The following SLC2A9 variants were observed in gnomAD, a reference collection of about 807,000 sequenced individuals.
SLC2A9 encodes solute carrier family 2 member 9.
Under a neutral mutation model 50.6 loss-of-function variants are expected in SLC2A9, and 39 were observed. That is an observed-to-expected ratio of 0.77 (90% CI 0.60 to 1.01). The LOEUF is 1.01. Among genes scored for constraint, SLC2A9 ranks in the 50% least tolerant of loss-of-function variants. SLC2A9 has a pLI of 0.00. For synonymous variants in SLC2A9, 324 were observed against 276.9 expected (o/e 1.17, Z -1.69); for missense variants, 686 against 677.6 (o/e 1.01, Z -0.14).
At chr4:9,868,346 A>G (rs55858763) in intron 10 of SLC2A9, among the ~76,000 whole-genome samples, 19,118 of 152,172 alleles carry the variant, frequency 0.13, 1,439 homozygotes, top group African/African-American at 0.19. Flanking sequence ...AGCTGTTCCC[A>G]TAAACTCCCT....
chr4:9,924,426 C>T (rs897063803), intron 6 of SLC2A9, among the ~76,000 whole-genome samples: 2 of 152,222 alleles, frequency 1.3e-5, no homozygotes, highest in Admixed American at 6.5e-5. Flanking sequence ...CTAGCTTCCT[C>T]ACAGACACCT....
chr4:9,874,174 C>G (rs116628257), intron 10 of SLC2A9, among the ~76,000 whole-genome samples: 1 of 152,222 alleles, frequency 6.6e-6, no homozygotes, highest in Non-Finnish European at 1.5e-5. Context: ...CTGTCCTCTA[C>G]TCAGACATTC....
At chr4:10,032,550 G>T (rs910297820) in intron 1 of SLC2A9, among the ~76,000 whole-genome samples, 5 of 152,070 alleles carry the variant, frequency 3.3e-5, no homozygotes, top group African/African-American at 1.2e-4. Context: ...GGGGAGAATG[G>T]GGGGATGGTG....
At chr4:9,890,832 G>C (rs1454428154) in intron 8 of SLC2A9, 121 bp from the exon 9 acceptor site, 1 of 823,016 alleles carries the variant, frequency 1.2e-6, no homozygotes, top group African/African-American at 1.7e-5. Context: ...CCCTGAGACA[G>C]TTGGGCCACC....
downstream of SLC2A9, among the ~76,000 whole-genome samples, chr4:9,777,513 G>A (rs989681122): frequency 2.1e-4 from 31 of 150,630 alleles, no homozygotes; most frequent in African/African-American, 7.3e-4. Flanking sequence ...ATGGATTGGT[G>A]AAAGTCAGGG....
chr4:9,922,731 TC>T (rs1744174354), intron 6 of SLC2A9: 1 of 152,300 alleles, frequency 6.6e-6, no homozygotes, highest in African/African-American at 2.4e-5. Flanking sequence ...TGATAGCTCC[TC>T]CTGCCCAGTT....
chr4:9,936,576 G>C (rs936152507), intron 6 of SLC2A9, among the ~76,000 whole-genome samples: 3 of 152,240 alleles, frequency 2.0e-5, no homozygotes, highest in African/African-American at 7.2e-5. Flanking sequence ...TCATGGCTAA[G>C]AAAAATATTT....
At chr4:10,004,757 G>A (rs1382253742) in intron 2 of SLC2A9, among the ~76,000 whole-genome samples, 1 of 152,236 alleles carries the variant, frequency 6.6e-6, no homozygotes, top group African/African-American at 2.4e-5. Context: ...GTGACCTGAG[G>A]CTTCAAGAAG....
rs187886787 is a variant in SLC2A9, at chr4:9,782,622, C to A, written n.386-2557G>T. The A allele has an allele frequency of 4.7e-4, 765 of 1,613,990 alleles. 27 individuals are homozygous for A. In the Admixed American group the frequency reaches 0.012, roughly 26 times the overall value. On this transcript the variant is annotated intron_variant and non_coding_transcript_variant, in intron 3 of 3. Transcript: ENST00000503803. ...GGGCTGGACCTGCCAAACAACCTGG[C>A]CAACTGGACGCCCTGGGAGGAGGAC... is the stretch of plus-strand genomic sequence containing the variant.
At chr4:9,994,033 C>A (rs912128716) in intron 3 of SLC2A9, among the ~76,000 whole-genome samples, 1 of 152,228 alleles carries the variant, frequency 6.6e-6, no homozygotes, top group African/African-American at 2.4e-5. Flanking sequence ...GCCTCCCAGG[C>A]TGCCATTGCA....
At chr4:9,792,473 G>A (rs541196562) in intron 3 of SLC2A9, among the ~76,000 whole-genome samples, 45 of 152,070 alleles carry the variant, frequency 3.0e-4, no homozygotes, top group African/African-American at 1.0e-3. Flanking sequence ...ACAGGTAGGA[G>A]CCACTGTGTC....
chr4:9,900,930 C>T (rs1456748689), intron 8 of SLC2A9, among the ~76,000 whole-genome samples: 1 of 152,204 alleles, frequency 6.6e-6, no homozygotes, highest in Non-Finnish European at 1.5e-5. Context: ...TCCCATGACA[C>T]ATGGGGATTG....
chr4:9,883,569 C>T (rs974371150), intron 10 of SLC2A9, among the ~76,000 whole-genome samples: 4 of 152,188 alleles, frequency 2.6e-5, no homozygotes, highest in Non-Finnish European at 5.9e-5. Flanking sequence ...AAAGTTGATG[C>T]TCAAGAAAGG....
upstream of SLC2A9, chr4:10,026,033 A>G (rs1169431902): frequency 3.9e-6 from 6 of 1,533,014 alleles, no homozygotes; most frequent in African/African-American, 1.4e-5. Context: ...GAAAGAAGCC[A>G]TTAGACAGCT....
At chr4:9,844,035 C>A (rs1728516460) in intron 10 of SLC2A9, among the ~76,000 whole-genome samples, 1 of 151,806 alleles carries the variant, frequency 6.6e-6, no homozygotes, top group African/African-American at 2.4e-5. Context: ...TATGATACTG[C>A]CTAGGACTCT....
At chr4:9,801,448 G>T (rs970268684) in intron 3 of SLC2A9, among the ~76,000 whole-genome samples, 2 of 152,208 alleles carry the variant, frequency 1.3e-5, no homozygotes. Context: ...TTTTTGAGCT[G>T]GTTTACACAA....
chr4:10,024,635 C>G (rs1289574453), upstream of SLC2A9, among the ~76,000 whole-genome samples: 1 of 152,128 alleles, frequency 6.6e-6, no homozygotes, highest in African/African-American at 2.4e-5. Context: ...TCTTGGCAGC[C>G]CCAGCAAACC....
chr4:9,985,045 C>T (rs756148145), intron 4 of SLC2A9, among the ~76,000 whole-genome samples: 7 of 152,168 alleles, frequency 4.6e-5, no homozygotes, highest in Non-Finnish European at 8.8e-5. Flanking sequence ...ACCCTTGGCT[C>T]CTCTGGTCTC....
chr4:9,852,796 C>T (rs1730170837), intron 10 of SLC2A9, among the ~76,000 whole-genome samples: 4 of 152,322 alleles, frequency 2.6e-5, no homozygotes, highest in Admixed American at 6.5e-5. Context: ...AACAACTACA[C>T]AATCAAGTCT....
Sources: gnomAD v4.1 joint callset for allele counts (sites outside exome capture counted in the v4.1 genomes callset) on GRCh38, gnomAD v4.1.1 for gene constraint, MANE v1.5 for transcripts, NCBI Gene and HGNC (gene_info 2026-07-23, HGNC 2026-07-21) for gene names.